PTPRD: variants seen among roughly 807,000 people sequenced by gnomAD.
The protein encoded by PTPRD is receptor-type tyrosine-protein phosphatase delta.
Under a neutral mutation model 214.5 loss-of-function variants are expected in PTPRD, and 34 were observed. The observed-to-expected ratio is 0.16, with a 90% confidence interval of 0.12 to 0.21. The LOEUF (loss-of-function observed/expected upper bound fraction) is 0.21, where lower values mean the gene tolerates loss of function less well. PTPRD is among the 10% of genes least tolerant of loss of function. The probability of loss-of-function intolerance (pLI) is 1.00; values close to 1 mark genes in which losing one functional copy is unlikely to be tolerated. For synonymous variants in PTPRD, 1,128 were observed against 845.7 expected, an observed-to-expected ratio of 1.33 and a Z score of -5.79; for missense variants, 2,545 against 2,398.7, an observed-to-expected ratio of 1.06 and a Z score of -1.27.
chr9:9,033,510 T>C (rs1397319487), intron 10 of PTPRD, among the ~76,000 whole-genome samples: 3 of 152,126 alleles, frequency 2.0e-5, no homozygotes, highest in African/African-American at 4.8e-5. Flanking sequence ...AATGCAAGGC[T>C]AGCCACATGA....
intron 2 of PTPRD, among the ~76,000 whole-genome samples, chr9:10,407,032 A>C (rs2154502076): frequency 6.6e-6 from 1 of 151,680 alleles, no homozygotes; most frequent in African/African-American, 2.4e-5. Context: ...TTCCTATAGT[A>C]TTTTCTTAAT....
At chr9:10,363,720 T>C (rs1335982561) in intron 2 of PTPRD, among the ~76,000 whole-genome samples, 2 of 152,296 alleles carry the variant, frequency 1.3e-5, no homozygotes, top group South Asian at 2.1e-4. Flanking sequence ...AGGATTTCAA[T>C]AGATAACCAT....
At chr9:8,644,727 G>C (rs547664493) in intron 12 of PTPRD, among the ~76,000 whole-genome samples, 2 of 152,290 alleles carry the variant, frequency 1.3e-5, no homozygotes, top group African/African-American at 2.4e-5. Flanking sequence ...AGCCATACTA[G>C]CACCCGGAAC....
At chr9:9,723,972 TG>T (rs1340988563) in intron 7 of PTPRD, among the ~76,000 whole-genome samples, 1 of 152,096 alleles carries the variant, frequency 6.6e-6, no homozygotes, top group East Asian at 1.9e-4. Context: ...CTTTCCAATG[TG>T]GATCCTTTTT....
At chr9:10,596,379 C>T (rs985562951) in intron 2 of PTPRD, among the ~76,000 whole-genome samples, 3 of 151,598 alleles carry the variant, frequency 2.0e-5, no homozygotes, top group Admixed American at 6.6e-5. Context: ...AGCTAACTTA[C>T]TCCCATTTAC....
At chr9:9,779,053 G>C (rs572764968) in intron 5 of PTPRD, among the ~76,000 whole-genome samples, 7 of 93,750 alleles carry the variant, frequency 7.5e-5, no homozygotes, top group Non-Finnish European at 1.4e-4. Flanking sequence ...CACACCTACA[G>C]CCATGTGATC....
rs201619783 is a variant in PTPRD, at chr9:9,921,752, TAAA to T, written c.-368+16752_-368+16754del. Among the ~76,000 whole-genome samples, 853 of 135,798 alleles carry T rather than the reference TAAA, an allele frequency of 6.3e-3. 5 individuals carry two copies. Among genetic ancestry groups the T allele is most frequent in the African/African-American group, 0.022 (815 of 37,544 alleles). The allele number at this position is 135,798 out of a possible 152,430, so 89.1% of individuals were successfully genotyped here. A position where few individuals can be genotyped will look rare whatever the true frequency, so the allele number is the denominator to read the frequency against. On this transcript the variant is annotated intron_variant, in intron 5 of 45. Transcript: ENST00000381196. ...TTTTTAAAAAGCCAATTTATAGAAG[TAAA>T]AAAAAAAAAACTAAAGATAGTAGAA...
At chr9:9,657,057 T>C (rs865811864) in intron 7 of PTPRD, among the ~76,000 whole-genome samples, 1 of 152,114 alleles carries the variant, frequency 6.6e-6, no homozygotes, top group Non-Finnish European at 1.5e-5. Flanking sequence ...ACTTGAATAG[T>C]TAATAATGTT....
intron 7 of PTPRD, among the ~76,000 whole-genome samples, chr9:9,615,746 T>C (rs536182449): frequency 6.6e-6 from 1 of 152,272 alleles, no homozygotes; most frequent in South Asian, 2.1e-4. Context: ...TTTACAAACA[T>C]TATCTAATTT....
intron 7 of PTPRD, among the ~76,000 whole-genome samples, chr9:9,698,193 T>C (rs1178757417): frequency 2.0e-5 from 3 of 152,176 alleles, no homozygotes; most frequent in African/African-American, 7.2e-5. Flanking sequence ...CTCTTTACTG[T>C]TTTTTCTTGT....
intron 14 of PTPRD, among the ~76,000 whole-genome samples, chr9:8,569,025 A>C (rs539510475): frequency 1.3e-5 from 2 of 152,106 alleles, no homozygotes; most frequent in South Asian, 2.1e-4. Flanking sequence ...AAACAAAATC[A>C]TGTTTGTTGT....
intron 11 of PTPRD, among the ~76,000 whole-genome samples, chr9:8,781,650 T>C (rs371304113): frequency 3.0e-4 from 19 of 64,332 alleles, no homozygotes; most frequent in African/African-American, 1.3e-3. Context: ...TAATGGACTC[T>C]GGGGCAGTGC....
intron 8 of PTPRD, among the ~76,000 whole-genome samples, chr9:9,467,342 C>T (rs896765354): frequency 8.0e-5 from 12 of 150,076 alleles, no homozygotes; most frequent in South Asian, 6.3e-4. Flanking sequence ...AATCCCAGAC[C>T]TTTGGGAGGC....
At chr9:8,742,598 A>G (rs772943664) in intron 11 of PTPRD, among the ~76,000 whole-genome samples, 2 of 152,202 alleles carry the variant, frequency 1.3e-5, no homozygotes, top group Non-Finnish European at 2.9e-5. Flanking sequence ...TAGTACGGAA[A>G]AGTCTGGCAA....
intron 2 of PTPRD, among the ~76,000 whole-genome samples, chr9:10,410,285 A>AAT (rs1555304079): frequency 0.017 from 2,395 of 141,194 alleles, 53 homozygotes; most frequent in African/African-American, 0.052. Flanking sequence ...ACACACACAC[A>AAT]ATATATAATA....
chr9:9,822,871 T>G (rs915553563), intron 5 of PTPRD, among the ~76,000 whole-genome samples: 7 of 152,088 alleles, frequency 4.6e-5, no homozygotes, highest in Non-Finnish European at 1.0e-4. Flanking sequence ...TTGGTGGGAA[T>G]GTAAGTCAAC....
intron 7 of PTPRD, among the ~76,000 whole-genome samples, chr9:9,594,193 G>A (rs1183308165): frequency 6.6e-6 from 1 of 151,974 alleles, no homozygotes; most frequent in Non-Finnish European, 1.5e-5. Flanking sequence ...ACATTTCCCA[G>A]GACACACATG....
intron 3 of PTPRD, among the ~76,000 whole-genome samples, chr9:10,060,556 G>T (rs769613658): frequency 6.6e-6 from 1 of 151,914 alleles, no homozygotes; most frequent in Non-Finnish European, 1.5e-5. Flanking sequence ...ACAGAAATGT[G>T]TCAAAGTATT....
At chr9:9,126,696 ATAAT>A (rs1222959933) in intron 10 of PTPRD, among the ~76,000 whole-genome samples, 3 of 152,346 alleles carry the variant, frequency 2.0e-5, no homozygotes, top group South Asian at 2.1e-4. Flanking sequence ...AAATCAGGAA[ATAAT>A]TGATGGTAAA....
Sources: allele counts gnomAD v4.1 joint callset (sites outside exome capture counted in the v4.1 genomes callset), GRCh38; gene constraint gnomAD v4.1.1; transcripts MANE v1.5; gene names NCBI Gene and HGNC (gene_info 2026-07-23, HGNC 2026-07-21).